GABRB3: variants seen among roughly 807,000 people sequenced by gnomAD.
GABRB3 encodes the protein gamma-aminobutyric acid receptor subunit beta-3.
Under a neutral mutation model 52.1 loss-of-function variants are expected in GABRB3, and 14 were observed. That is an observed-to-expected ratio of 0.27 (90% confidence interval 0.18 to 0.42). The LOEUF is 0.42. Among genes scored for constraint, GABRB3 ranks in the 10% least tolerant of loss-of-function variants. GABRB3 has a pLI of 1.00. For missense variants in GABRB3, 307 were observed against 609.1 expected (o/e 0.50, Z 5.22); for synonymous variants, 260 against 232.3 (o/e 1.12, Z -1.08).
At position 26,772,588 on chromosome 15, in the gene GABRB3, G is replaced by A; in HGVS notation, c.172+93C>T. ...CGAAGGGCCCCCACTCCCACCCGCC[G>A]CTGCTCCGCGGATGCGGCCCCCGCC... On this transcript the variant is annotated intron_variant, in intron 2 of 8. Transcript: ENST00000311550. 5 of 1,427,812 alleles carry A rather than the reference G, an allele frequency of 3.5e-6. No individual in the cohort carries two copies. The South Asian group carries it at 6.5e-5, about 19-fold the overall frequency. The allele number at this position is 1,427,812 out of a possible 1,614,324, so 88.4% of individuals were successfully genotyped here.
intron 4 of GABRB3, among the ~76,000 whole-genome samples, chr15:26,617,277 T>C (rs1050208667): frequency 6.6e-6 from 1 of 151,588 alleles, no homozygotes; most frequent in East Asian, 1.9e-4. Context: ...CAGCAGCCCA[T>C]CATCCGAATC....
intron 4 of GABRB3, among the ~76,000 whole-genome samples, chr15:26,587,264 A>G (rs2140748476): frequency 6.6e-6 from 1 of 152,302 alleles, no homozygotes; most frequent in South Asian, 2.1e-4. Flanking sequence ...TATGTGAGGA[A>G]TAAAGTAGAC....
intron 3 of GABRB3, among the ~76,000 whole-genome samples, chr15:26,682,278 C>G (rs960839402): frequency 6.6e-6 from 1 of 152,178 alleles, no homozygotes; most frequent in Non-Finnish European, 1.5e-5. Context: ...CGCTTCAATA[C>G]CTTCCTCCCT....
chr15:26,659,590 C>A (rs1174932772), intron 3 of GABRB3, among the ~76,000 whole-genome samples: 2 of 152,144 alleles, frequency 1.3e-5, no homozygotes, highest in Non-Finnish European at 2.9e-5. Flanking sequence ...AAATGGAAAG[C>A]TGAAAATCTT....
intron 3 of GABRB3, among the ~76,000 whole-genome samples, chr15:26,655,937 G>T (rs1240720353): frequency 2.0e-5 from 3 of 151,932 alleles, no homozygotes; most frequent in African/African-American, 7.3e-5. Context: ...TTTTTTTGAG[G>T]GTTGGATTTA....
chr15:26,745,386 A>G (rs1890310351), intron 3 of GABRB3, among the ~76,000 whole-genome samples: 1 of 152,238 alleles, frequency 6.6e-6, no homozygotes, highest in Non-Finnish European at 1.5e-5. Flanking sequence ...CAGTGTTTAC[A>G]TCTTGTGTAA....
At chr15:26,663,532 T>C (rs1377417550) in intron 3 of GABRB3, among the ~76,000 whole-genome samples, 1 of 152,244 alleles carries the variant, frequency 6.6e-6, no homozygotes. Flanking sequence ...CCTGCTTTTT[T>C]AAAAGTTAGT....
rs571509018 is a variant in GABRB3, at chr15:26,636,925, T to TC, written c.241-15392dup. Among the ~76,000 whole-genome samples, 9 of 152,276 alleles carry TC rather than the reference T, an allele frequency of 5.9e-5. No homozygotes were observed. In the South Asian group the frequency reaches 1.9e-3, roughly 32 times the overall value. ...CCACCCTTGTCAAACACACCATCTC[T>TC]CCCCATTCCTAGTCTAGGGGTGTCC... is the stretch of plus-strand genomic sequence containing the variant. On this transcript the variant is annotated intron_variant, in intron 3 of 8. Transcript: ENST00000311550.
At chr15:26,764,581 A>G (rs1416291857) in intron 3 of GABRB3, among the ~76,000 whole-genome samples, 1 of 152,172 alleles carries the variant, frequency 6.6e-6, no homozygotes, top group Non-Finnish European at 1.5e-5. Flanking sequence ...ATGAGGGGCA[A>G]TCTACATTTC....
intron 3 of GABRB3, among the ~76,000 whole-genome samples, chr15:26,741,246 T>C (rs1890200259): frequency 6.6e-6 from 1 of 152,124 alleles, no homozygotes; most frequent in Non-Finnish European, 1.5e-5. Context: ...CATCATATGA[T>C]GAATAGTTGC....
At chr15:26,616,730 G>A (rs1048495998) in intron 4 of GABRB3, among the ~76,000 whole-genome samples, 6 of 151,978 alleles carry the variant, frequency 3.9e-5, no homozygotes, top group African/African-American at 2.4e-5. Context: ...TACTACTAAA[G>A]GCTTATTATT....
chr15:26,746,548 G>A (rs1052348607), intron 3 of GABRB3, among the ~76,000 whole-genome samples: 1 of 148,436 alleles, frequency 6.7e-6, no homozygotes, highest in Non-Finnish European at 1.5e-5. Context: ...GTTTTTTTCC[G>A]AAGTTTTACA....
At chr15:26,722,481 T>G (rs1889667877) in intron 3 of GABRB3, among the ~76,000 whole-genome samples, 1 of 152,096 alleles carries the variant, frequency 6.6e-6, no homozygotes, top group Non-Finnish European at 1.5e-5. Flanking sequence ...GCTGTGAAAA[T>G]CAAAACTGGC....
chr15:26,744,376 G>A (rs1890283234), intron 3 of GABRB3, among the ~76,000 whole-genome samples: 1 of 151,976 alleles, frequency 6.6e-6, no homozygotes, highest in Non-Finnish European at 1.5e-5. Context: ...GAAATAAAGA[G>A]TTAATAACTA....
intron 3 of GABRB3, chr15:26,750,140 CAGAA>C (rs1466690205): frequency 6.6e-6 from 1 of 152,174 alleles, no homozygotes; most frequent in Admixed American, 6.5e-5. Context: ...GCACCTCCAA[CAGAA>C]AGAAGGCTGC....
At chr15:26,751,867 T>C (rs753351290) in intron 3 of GABRB3, among the ~76,000 whole-genome samples, 3 of 152,196 alleles carry the variant, frequency 2.0e-5, no homozygotes, top group African/African-American at 4.8e-5. Context: ...AAACCTTACA[T>C]GCATTGCTGA....
intron 4 of GABRB3, among the ~76,000 whole-genome samples, chr15:26,618,748 A>C (rs2140531288): frequency 6.6e-6 from 1 of 152,192 alleles, no homozygotes; most frequent in Non-Finnish European, 1.5e-5. Context: ...AAATGGGAGA[A>C]AATTTTTGCA....
intron 6 of GABRB3, among the ~76,000 whole-genome samples, chr15:26,571,336 C>T (rs189213331): frequency 9.2e-5 from 14 of 152,282 alleles, no homozygotes; most frequent in Admixed American, 9.2e-4. Flanking sequence ...ACTTAGCTCC[C>T]TCTGTCTGCA....
intron 3 of GABRB3, among the ~76,000 whole-genome samples, chr15:26,764,236 A>T (rs1239632981): frequency 1.6e-5 from 2 of 122,310 alleles, no homozygotes; most frequent in Admixed American, 9.0e-5. Flanking sequence ...ATATATATAT[A>T]GTGTCATGAA....
Sources: gnomAD v4.1 joint callset for allele counts (sites outside exome capture counted in the v4.1 genomes callset) on GRCh38, gnomAD v4.1.1 for gene constraint, MANE v1.5 for transcripts, NCBI Gene and HGNC (gene_info 2026-07-23, HGNC 2026-07-21) for gene names.